FANCC: variants seen among roughly 807,000 people sequenced by gnomAD.
The protein encoded by FANCC is Fanconi anemia group C protein.
A neutral mutation model predicts 71.3 loss-of-function variants in FANCC; 55 were observed. The ratio of observed to expected loss-of-function variants is 0.77; its 90% CI spans 0.62 to 0.97. FANCC has a LOEUF of 0.97. Among genes scored for constraint, FANCC ranks in the 50% least tolerant of loss-of-function variants. The probability of loss-of-function intolerance (pLI) is 0.00; values close to 1 mark genes in which losing one functional copy is unlikely to be tolerated. For synonymous variants in FANCC, 275 were observed against 244.9 expected, an observed-to-expected ratio of 1.12 and a Z score of -1.15; for missense variants, 678 against 670.9, an observed-to-expected ratio of 1.01 and a Z score of -0.12.
intron 6 of FANCC, among the ~76,000 whole-genome samples, chr9:95,162,509 T>G (rs1253361737): frequency 6.6e-6 from 1 of 152,206 alleles, no homozygotes; most frequent in Non-Finnish European, 1.5e-5. Context: ...ATTCTATTTT[T>G]AATTTTTTAA....
intron 4 of FANCC, among the ~76,000 whole-genome samples, chr9:95,198,994 T>C (rs1827634418): frequency 1.3e-5 from 2 of 152,180 alleles, no homozygotes; most frequent in South Asian, 4.1e-4. Flanking sequence ...CTTGCAGTAC[T>C]GAGATTACAG....
At chr9:95,234,390 G>A (rs913496073) in intron 4 of FANCC, among the ~76,000 whole-genome samples, 1 of 152,148 alleles carries the variant, frequency 6.6e-6, no homozygotes, top group African/African-American at 2.4e-5. Context: ...AGAGGATAGT[G>A]GCCATTGAGA....
At chr9:95,172,511 T>C (rs1311608589) in intron 4 of FANCC, among the ~76,000 whole-genome samples, 2 of 152,150 alleles carry the variant, frequency 1.3e-5, no homozygotes, top group Non-Finnish European at 2.9e-5. Flanking sequence ...ATGGGTAACG[T>C]GCCGATGTCA....
chr9:95,288,543 TTTC>T (rs1359629776), intron 1 of FANCC, among the ~76,000 whole-genome samples: 1 of 152,162 alleles, frequency 6.6e-6, no homozygotes, highest in African/African-American at 2.4e-5. Context: ...TTTACATGGA[TTTC>T]TTTTTATTTG....
chr9:95,182,219 C>CA lies in FANCC; in HGVS notation c.346-10073dup, dbSNP rs568920486. Among the ~76,000 whole-genome samples the CA allele has an allele frequency of 6.3e-3, 837 of 131,868 alleles. 12 individuals are homozygous for CA. The highest frequency in any genetic ancestry group is 0.051 in the East Asian group (241 of 4,696). The allele number at this position is 131,868 out of a possible 152,430, so 86.5% of individuals were successfully genotyped here. On this transcript the variant is annotated intron_variant, in intron 4 of 14. Coordinates refer to ENST00000289081, the MANE Select transcript of FANCC (RefSeq NM_000136.3). ...GGCATATCTCTTTATACAAAATATA[C>CA]AAAAAAAAAAAAAGGTGTTGGCCAG... is the stretch of plus-strand genomic sequence containing the variant.
chr9:95,171,577 T>A (rs1407307433), intron 5 of FANCC, among the ~76,000 whole-genome samples: 2 of 152,196 alleles, frequency 1.3e-5, no homozygotes, highest in African/African-American at 4.8e-5. Flanking sequence ...AAGTTAAAAT[T>A]TCTCACATTT....
intron 4 of FANCC, among the ~76,000 whole-genome samples, chr9:95,218,656 T>G (rs1201109549): frequency 1.3e-5 from 2 of 152,088 alleles, no homozygotes; most frequent in African/African-American, 4.8e-5. Context: ...AGGTTTAACA[T>G]TAAAAATCAG....
At chr9:95,111,121 G>A in intron 13 of FANCC, 1 of 1,532,680 alleles carries the variant, frequency 6.5e-7, no homozygotes. Flanking sequence ...ACACCCCTCA[G>A]AACAGCCCGC....
intron 6 of FANCC, among the ~76,000 whole-genome samples, chr9:95,154,848 A>C (rs1390958306): frequency 6.6e-6 from 1 of 152,158 alleles, no homozygotes; most frequent in Non-Finnish European, 1.5e-5. Flanking sequence ...TCCATGACAT[A>C]AGTGTTTTAT....
intron 4 of FANCC, among the ~76,000 whole-genome samples, chr9:95,219,261 G>C (rs1240084121): frequency 6.6e-6 from 1 of 152,198 alleles, no homozygotes; most frequent in East Asian, 1.9e-4. Flanking sequence ...CTGTGAAGCA[G>C]CAGGAGTAAG....
At chr9:95,264,982 T>C (rs951420394) in intron 1 of FANCC, among the ~76,000 whole-genome samples, 8 of 131,640 alleles carry the variant, frequency 6.1e-5, no homozygotes, top group Admixed American at 1.5e-4. Context: ...TGTTTGTGGC[T>C]TTTTTTTTTT....
At chr9:95,291,967 A>T (rs10993505) in intron 1 of FANCC, among the ~76,000 whole-genome samples, 1,876 of 50,024 alleles carry the variant, frequency 0.038, 47 homozygotes, top group African/African-American at 0.08. Flanking sequence ...AAAAAAAAAA[A>T]ATATATATAT....
intron 13 of FANCC, 53 bp downstream of exon 13, chr9:95,111,410 T>C: frequency 6.3e-7 from 1 of 1,599,102 alleles, no homozygotes; most frequent in Non-Finnish European, 8.5e-7. Context: ...TGCAAGCTCC[T>C]CTCAGCCCCC....
At chr9:95,265,465 T>A (rs1220299170) in intron 1 of FANCC, among the ~76,000 whole-genome samples, 1 of 152,152 alleles carries the variant, frequency 6.6e-6, no homozygotes. Flanking sequence ...AAGACAGAAA[T>A]CTCTGACCTT....
chr9:95,149,886 A>G, intron 7 of FANCC, 37 bp downstream of exon 7: 1 of 1,565,054 alleles, frequency 6.4e-7, no homozygotes, highest in Middle Eastern at 2.1e-4. Flanking sequence ...AGAAAAGGAA[A>G]AACGACGCAG....
intron 4 of FANCC, among the ~76,000 whole-genome samples, chr9:95,236,174 A>G (rs1202289616): frequency 1.3e-5 from 2 of 151,790 alleles, no homozygotes; most frequent in East Asian, 3.9e-4. Flanking sequence ...TTTTCTTTCT[A>G]TCAGAATCAA....
At chr9:95,297,139 C>G (rs1834426979) in intron 1 of FANCC, among the ~76,000 whole-genome samples, 1 of 152,074 alleles carries the variant, frequency 6.6e-6, no homozygotes. Flanking sequence ...GGGGGCTCAC[C>G]AGGGGAACAG....
At chr9:95,164,762 T>C (rs766166839) in intron 6 of FANCC, among the ~76,000 whole-genome samples, 19 of 152,176 alleles carry the variant, frequency 1.2e-4, no homozygotes, top group Non-Finnish European at 2.8e-4. Context: ...TGTAGTTTCA[T>C]TGCCTGATTT....
intron 1 of FANCC, among the ~76,000 whole-genome samples, chr9:95,271,166 G>A (rs184341797): frequency 1.5e-4 from 23 of 152,282 alleles, no homozygotes; most frequent in South Asian, 1.0e-3. Context: ...CAGGTACACC[G>A]CTGAACATCT....
Sources: gnomAD v4.1 joint callset for allele counts (sites outside exome capture counted in the v4.1 genomes callset) on GRCh38, gnomAD v4.1.1 for gene constraint, MANE v1.5 for transcripts, NCBI Gene and HGNC (gene_info 2026-07-23, HGNC 2026-07-21) for gene names.